Variants in SPON2 observed in about 807,000 individuals in gnomAD.
SPON2 encodes spondin-2.
SPON2 carries 32 observed loss-of-function variants against 29.9 expected under a neutral mutation model. That is an observed-to-expected ratio of 1.07 (90% confidence interval 0.81 to 1.44). SPON2 has a LOEUF of 1.44. Ranked by LOEUF, SPON2 falls within the 40% of genes most tolerant of loss-of-function variation. The pLI, the probability that SPON2 is intolerant of heterozygous loss-of-function variation, is 0.00. For missense variants in SPON2, 541 were observed against 455.5 expected, an observed-to-expected ratio of 1.19 and a Z score of -1.71; for synonymous variants, 248 against 209.1, an observed-to-expected ratio of 1.19 and a Z score of -1.61.
chr4:1,172,118 G>T, intron 1 of SPON2, 44 bp from the exon 2 acceptor site: 1 of 1,560,050 alleles, frequency 6.4e-7, no homozygotes. Context: ...CACCGTCGTG[G>T]CAGCCTCGGG....
chr4:1,171,485 C>T lies in SPON2; in HGVS notation c.222G>A (p.Gly74=), dbSNP rs1727448393. ...TGCTGTAGTCGGAGCTATGCGCGGC[C>T]CCTGCAGGACCACCCGGCCGCGCCG... ...RPPAQWSSLL[G]AAHSSDYSMW... The change falls in exon 3 of 6, where the codon GGG becomes GGA. Residue 74 remains glycine, a splice_region_variant and synonymous_variant. Coordinates refer to ENST00000290902, the MANE Select transcript of SPON2 (RefSeq NM_012445.4). 3 of 1,607,196 alleles carry T rather than the reference C, an allele frequency of 1.9e-6. No homozygotes were observed. Among genetic ancestry groups the T allele is most frequent in the East Asian group, 2.2e-5 (1 of 44,652 alleles).
upstream of SPON2, among the ~76,000 whole-genome samples, chr4:1,174,194 C>T (rs1727541675): frequency 6.8e-6 from 1 of 147,536 alleles, no homozygotes; most frequent in Admixed American, 6.8e-5. Context: ...GTGCCACTGC[C>T]CTCCAGCCTG....
At position 1,167,458 on chromosome 4, in the gene SPON2, G is replaced by A; in HGVS notation, c.*14C>T. ...ATGGCTCCGGGGGGCCCCAGGGGCT[G>A]CGGGGCTCTGGTCTTAGACGCAGTT... On this transcript the variant is annotated 3_prime_UTR_variant, in exon 6 of 6. Transcript: ENST00000290902. 2 of 1,607,888 alleles carry A rather than the reference G, an allele frequency of 1.2e-6. No homozygotes were observed. The highest frequency in any genetic ancestry group is 1.7e-6 in the Non-Finnish European group (2 of 1,176,456).
chr4:1,176,839 GTTCA>G (rs1727611389), upstream of SPON2, among the ~76,000 whole-genome samples: 3 of 147,744 alleles, frequency 2.0e-5, 1 homozygote, highest in Admixed American at 2.0e-4. Context: ...CATTCACACA[GTTCA>G]TTCACACACT....
chr4:1,174,495 A>AAAAAAAC (rs1727550941), upstream of SPON2, among the ~76,000 whole-genome samples: 2 of 150,766 alleles, frequency 1.3e-5, no homozygotes, highest in Non-Finnish European at 2.9e-5. Flanking sequence ...TCAAAAAAAA[A>AAAAAAAC]AAAAAAACAA....
upstream of SPON2, among the ~76,000 whole-genome samples, chr4:1,178,168 G>A (rs368590918): frequency 5.0e-5 from 6 of 119,994 alleles, no homozygotes; most frequent in East Asian, 2.8e-4. Context: ...CTCCGGCCAG[G>A]CACCACGGGC....
chr4:1,167,297 T>A lies in SPON2; in HGVS notation c.*175A>T. On this transcript the variant is annotated 3_prime_UTR_variant, in exon 6 of 6. Transcript: ENST00000290902. ...GGGAAAGGAGGAGGCTGTTTCCCAA[T>A]GCCCGTGCCGGCCACCAGAGGGCCC... 1.6e-6 allele frequency: 1 copy of A among 622,626 alleles called. No individual in the cohort carries two copies. Among genetic ancestry groups the A allele is most frequent in the Non-Finnish European group, 2.7e-6 (1 of 376,168 alleles). The allele number at this position is 622,626 out of a possible 1,614,324, so 38.6% of individuals were successfully genotyped here. A position where few individuals can be genotyped will look rare whatever the true frequency, so the allele number is the denominator to read the frequency against.
At chr4:1,191,843 G>A (rs982657186) in intron 1 of SPON2, among the ~76,000 whole-genome samples, 3 of 152,238 alleles carry the variant, frequency 2.0e-5, no homozygotes, top group African/African-American at 7.2e-5. Flanking sequence ...AAGTTACCAA[G>A]GTTTGCAGTG....
In SPON2 at chr4:1,202,140, G is replaced by C. The variant is rs1038500172; in HGVS notation, c.-234+5740C>G. ...TGAGTGAGGCCACAACAGAACATCAGACAGCAGTTTATCAACAGAGACTTC... is the reference window on the plus strand; with the variant it reads ...TGAGTGAGGCCACAACAGAACATCACACAGCAGTTTATCAACAGAGACTTC... On this transcript the variant is annotated intron_variant, in intron 1 of 3. Transcript: ENST00000509233. The surrounding 1 kb of genome is among the most constrained non-coding windows in gnomAD (Gnocchi z 5.4). Among the ~76,000 whole-genome samples the C allele has an allele frequency of 1.2e-4, 18 of 152,186 alleles. No homozygotes were observed. Among genetic ancestry groups the C allele is most frequent in the African/African-American group, 3.9e-4 (16 of 41,438 alleles).
chr4:1,168,822 G>A (rs528017259), intron 5 of SPON2, among the ~76,000 whole-genome samples: 3 of 152,344 alleles, frequency 2.0e-5, no homozygotes, highest in South Asian at 4.1e-4. Flanking sequence ...GGCATCCAGC[G>A]TGTGAGCAGG....
At chr4:1,201,547 CTG>C (rs1728205259) in intron 1 of SPON2, 1 of 159,280 alleles carries the variant, frequency 6.3e-6, no homozygotes, top group South Asian at 1.6e-4. Context: ...GCCTGCCACA[CTG>C]AGGTCCGCGC....
rs1278815244 is a variant in SPON2 at position 1,170,442 on chromosome 4, G to A, written c.771C>T (p.Val257=). 2 of 1,614,010 alleles carry A rather than the reference G, an allele frequency of 1.2e-6. No individual in the cohort carries two copies. The highest frequency in any genetic ancestry group is 1.7e-6 in the Non-Finnish European group (2 of 1,179,964). Residue 257 remains valine (V), a synonymous_variant, in exon 5 of 6, where the codon GTC becomes GTT. Transcript: ENST00000290902. The part of the protein sequence containing the change: ...SPRAFIPPAP[V]LPSRDNEIVD... ...CAATCTCATTGTCCCTGCTGGGCAGGACTGGGGCGGGAGGGATGAAGGCCC... is the reference window on the plus strand; with the variant it reads ...CAATCTCATTGTCCCTGCTGGGCAGAACTGGGGCGGGAGGGATGAAGGCCC...
rs1247284864 is a variant in SPON2 at position 1,167,281 on chromosome 4, G to GGA, written c.*189_*190dup. Reference sequence around the variant, plus strand: ...CCTAAGAAGCAAGGTTGGGAAAGGAGGAGGCTGTTTCCCAATGCCCGTGCC... The same window carrying GGA: ...CCTAAGAAGCAAGGTTGGGAAAGGAGGAGAGGCTGTTTCCCAATGCCCGTGCC... On this transcript the variant is annotated 3_prime_UTR_variant, in exon 6 of 6. Coordinates refer to ENST00000290902, the MANE Select transcript of SPON2 (RefSeq NM_012445.4). The GGA allele has an allele frequency of 3.5e-6, 2 of 570,654 alleles. No homozygotes were observed. Among genetic ancestry groups the GGA allele is most frequent in the African/African-American group, 3.8e-5 (2 of 52,672 alleles). The allele number at this position is 570,654 out of a possible 1,614,324, so 35.3% of individuals were successfully genotyped here. A position where few individuals can be genotyped will look rare whatever the true frequency, so the allele number is the denominator to read the frequency against.
chr4:1,170,164 TTTCA>T (rs1438580779), intron 5 of SPON2: 13 of 506,436 alleles, frequency 2.6e-5, no homozygotes, highest in Admixed American at 3.9e-5. Flanking sequence ...TGGAGCCTCC[TTTCA>T]TTCTTTCCTC....
chr4:1,172,081 G>T lies in SPON2; in HGVS notation c.-3-7C>A. 1 of 1,608,618 alleles carries T rather than the reference G, an allele frequency of 6.2e-7. No individual in the cohort carries two copies. Among genetic ancestry groups the T allele is most frequent in the South Asian group, 1.1e-5 (1 of 90,890 alleles). On this transcript the variant is annotated splice_region_variant and splice_polypyrimidine_tract_variant and intron_variant, in intron 1 of 5. Coordinates refer to ENST00000290902, the MANE Select transcript of SPON2 (RefSeq NM_012445.4). ...GGCTGGGGTTTTCCATCACCTGGGA[G>T]CACAGAGGGGAGCAGCCGCGCGCTG...
chr4:1,182,001 A>G (rs1451329392), intron 1 of SPON2, among the ~76,000 whole-genome samples: 2 of 152,248 alleles, frequency 1.3e-5, no homozygotes, highest in East Asian at 3.8e-4. Context: ...GATATGGCAC[A>G]TACAGGCTCA....
intron 1 of SPON2, among the ~76,000 whole-genome samples, chr4:1,206,347 G>A (rs945871028): frequency 6.6e-6 from 1 of 152,246 alleles, no homozygotes; most frequent in Non-Finnish European, 1.5e-5. Context: ...GTGGGCCTAG[G>A]CCGAGCTGAA....
At chr4:1,204,932 T>A (rs1322442307) in intron 1 of SPON2, 1 of 152,296 alleles carries the variant, frequency 6.6e-6, no homozygotes, top group African/African-American at 2.4e-5. Context: ...ATTTGAAAGA[T>A]GCTGATTCCT....
chr4:1,196,007 T>C (rs1234731566), upstream of SPON2, among the ~76,000 whole-genome samples: 1 of 152,068 alleles, frequency 6.6e-6, no homozygotes, highest in Non-Finnish European at 1.5e-5. Flanking sequence ...TACATGAGAA[T>C]AGAAGATCAT....
Sources: gnomAD v4.1 joint callset for allele counts (sites outside exome capture counted in the v4.1 genomes callset) on GRCh38, gnomAD v4.1.1 for gene constraint, Gnocchi (gnomAD v3.1) non-coding constraint, MANE v1.5 for transcripts, NCBI Gene and HGNC (gene_info 2026-07-23, HGNC 2026-07-21) for gene names.